Variants in WNK1 observed in about 807,000 individuals in gnomAD.
WNK1 encodes the protein WNK lysine deficient protein kinase 1.
Under a neutral mutation model 222.8 loss-of-function variants are expected in WNK1, and 38 were observed. That is an observed-to-expected ratio of 0.17 (90% CI 0.13 to 0.22). The LOEUF (loss-of-function observed/expected upper bound fraction) is 0.22. Among genes scored for constraint, WNK1 ranks in the 10% least tolerant of loss-of-function variants. The pLI is 1.00. For missense variants in WNK1, 2,348 were observed against 2,918.4 expected, an observed-to-expected ratio of 0.80 and a Z score of 4.50; for synonymous variants, 1,090 against 1,092.9, an observed-to-expected ratio of 1.00 and a Z score of 0.05.
intron 17 of WNK1, 145 bp downstream of exon 17, chr12:883,976 T>C: frequency 6.8e-7 from 1 of 1,474,436 alleles, no homozygotes. Flanking sequence ...TGCAGTGAGC[T>C]GAGATCGCGC....
intron 9 of WNK1, among the ~76,000 whole-genome samples, chr12:875,320 C>T (rs549207948): frequency 7.4e-4 from 112 of 152,250 alleles, no homozygotes; most frequent in South Asian, 2.9e-3. Context: ...AGACCTTTAT[C>T]GTACTCTCAT....
At chr12:836,637 C>T (rs879565339) in intron 4 of WNK1, among the ~76,000 whole-genome samples, 4 of 152,038 alleles carry the variant, frequency 2.6e-5, no homozygotes, top group Non-Finnish European at 5.9e-5. Context: ...TCCAACTTTT[C>T]AATAAAAAAG....
rs776831969 is a variant in WNK1 at position 868,270 on chromosome 12, A to G, written c.2140-2995A>G. The G allele has an allele frequency of 2.5e-6, 4 of 1,602,458 alleles. No homozygotes were observed. In the South Asian group the frequency reaches 4.5e-5, roughly 18 times the overall value. Reference sequence around the variant, plus strand: ...AAGCTCACTATTTTATTCCTCAGGAAGCAGTGTATGTAGCTGGGGTACATT... The same window carrying G: ...AAGCTCACTATTTTATTCCTCAGGAGGCAGTGTATGTAGCTGGGGTACATT... On this transcript the variant is annotated intron_variant, in intron 8 of 27. Coordinates refer to ENST00000315939, the MANE Select transcript of WNK1 (RefSeq NM_018979.4).
At chr12:785,493 C>CGGG (rs1944208089) in intron 1 of WNK1, among the ~76,000 whole-genome samples, 1 of 151,380 alleles carries the variant, frequency 6.6e-6, no homozygotes, top group South Asian at 2.1e-4. Context: ...CTCCACCTCC[C>CGGG]AGGTTCAAGC....
chr12:827,436 G>C lies in WNK1; in HGVS notation c.1153+174G>C, dbSNP rs942416418. ...AGGATTCTCTATATTTGTGCTTCTT[G>C]GAATCATCTTAGAGACTATTGGTAA... On this transcript the variant is annotated intron_variant, in intron 3 of 27. Transcript: ENST00000315939. This position sits in a 1 kb window ranked among gnomAD's most constrained non-coding sequence, Gnocchi z 4.6. The C allele has an allele frequency of 1.1e-5, 7 of 632,454 alleles. No individual in the cohort carries two copies. Among genetic ancestry groups the C allele is most frequent in the African/African-American group, 1.1e-4 (6 of 54,434 alleles). The allele number at this position is 632,454 out of a possible 1,614,324, so 39.2% of individuals were successfully genotyped here.
At chr12:845,175 G>A (rs527959846) in intron 4 of WNK1, among the ~76,000 whole-genome samples, 4 of 152,236 alleles carry the variant, frequency 2.6e-5, no homozygotes, top group South Asian at 2.1e-4. Flanking sequence ...GATTACAGGC[G>A]TGAGCCACCG....
intron 22 of WNK1, among the ~76,000 whole-genome samples, chr12:891,293 C>CAAAAAT (rs1954203972): frequency 6.6e-6 from 1 of 152,172 alleles, no homozygotes; most frequent in African/African-American, 2.4e-5. Flanking sequence ...CATGCACCAC[C>CAAAAAT]ACACCTGGAT....
rs1328294867 is a variant in WNK1 at position 757,727 on chromosome 12, C to CG, written c.759+3403_759+3404insG. 1.2e-4 allele frequency among the ~76,000 whole-genome samples: 15 copies of CG among 124,226 alleles called. 2 individuals carry two copies. The highest frequency in any genetic ancestry group is 2.7e-4 in the South Asian group (1 of 3,678). 81.5% of individuals were successfully genotyped at this position (124,226 alleles called of 152,430 possible). On this transcript the variant is annotated intron_variant, in intron 1 of 27. Transcript: ENST00000315939. ...GGATCTGGTTTTTCAAAAAAGATAG[C>CG]ATAATTTCCTTTAAGAAAACATTGA...
Position 908,861 on chromosome 12 carries a change from G to GGGGGGGGGGGTC in WNK1, c.*69_*70insGGGGGGGGGGTC. The stretch of plus-strand genomic sequence containing the variant: ...ATGCTGAGGGGGTGGGTGGGGGTGG[G>GGGGGGGGGGGTC]AAGTAGCCTATATACTAACTACTAG... On this transcript the variant is annotated 3_prime_UTR_variant, in exon 28 of 28. Coordinates refer to ENST00000315939, the MANE Select transcript of WNK1 (RefSeq NM_018979.4). 2.0e-6 allele frequency: 1 copy of GGGGGGGGGGGTC among 491,846 alleles called. No individual in the cohort carries two copies. 30.5% of individuals were successfully genotyped at this position (491,846 alleles called of 1,614,324 possible).
chr12:864,707 A>T (rs1395732996), intron 8 of WNK1, among the ~76,000 whole-genome samples: 1 of 152,198 alleles, frequency 6.6e-6, no homozygotes, highest in Non-Finnish European at 1.5e-5. Context: ...AATGTACTTT[A>T]AACTAATAGA....
At chr12:813,343 A>ACATTTCCTGACATTTCC (rs1947072872) in intron 1 of WNK1, among the ~76,000 whole-genome samples, 1 of 152,238 alleles carries the variant, frequency 6.6e-6, no homozygotes, top group South Asian at 2.1e-4. Flanking sequence ...TCCAAAGCCT[A>ACATTTCCTGACATTTCC]TGTTCATTTC....
chr12:820,460 T>C (rs1340211791), intron 2 of WNK1, among the ~76,000 whole-genome samples: 1 of 140,636 alleles, frequency 7.1e-6, no homozygotes, highest in East Asian at 2.1e-4. Context: ...GTGTTCATTC[T>C]TTGGGGTTTT....
chr12:763,169 C>CT (rs1370456488), intron 1 of WNK1, among the ~76,000 whole-genome samples: 1 of 147,516 alleles, frequency 6.8e-6, no homozygotes, highest in Non-Finnish European at 1.5e-5. Flanking sequence ...ACCCATTAGA[C>CT]TAAGTGACTA....
intron 1 of WNK1, among the ~76,000 whole-genome samples, chr12:812,798 TACTC>T: frequency 6.6e-6 from 1 of 152,238 alleles, no homozygotes; most frequent in East Asian, 1.9e-4. Flanking sequence ...GTTATACACA[TACTC>T]ACACACATTT....
At chr12:800,455 ATTAT>A (rs1312727134) in intron 1 of WNK1, among the ~76,000 whole-genome samples, 1 of 152,124 alleles carries the variant, frequency 6.6e-6, no homozygotes, top group Non-Finnish European at 1.5e-5. Context: ...GCCTGCTATA[ATTAT>A]TTTTTATTTT....
chr12:815,323 TGTTAAA>T (rs1258117050), intron 2 of WNK1, among the ~76,000 whole-genome samples: 12 of 152,362 alleles, frequency 7.9e-5, no homozygotes, highest in African/African-American at 2.6e-4. Flanking sequence ...CTTTATTAAT[TGTTAAA>T]GTTAATACTG....
chr12:830,666 G>A (rs1284439541), intron 4 of WNK1, among the ~76,000 whole-genome samples: 1 of 152,108 alleles, frequency 6.6e-6, no homozygotes, highest in Non-Finnish European at 1.5e-5. Context: ...TCTGCTGACA[G>A]AGATATTTTC....
intron 9 of WNK1, among the ~76,000 whole-genome samples, chr12:872,517 C>T (rs575913848): frequency 6.6e-6 from 1 of 152,224 alleles, no homozygotes; most frequent in South Asian, 2.1e-4. Context: ...CCTGATACAT[C>T]CAACAGTAAA....
At chr12:904,479 T>G (rs756680200) in intron 26 of WNK1, 1 of 1,289,198 alleles carries the variant, frequency 7.8e-7, no homozygotes, top group South Asian at 1.2e-5. Flanking sequence ...AGTCTGTCCT[T>G]GCAACCAGCT....
Sources: gnomAD v4.1 joint callset for allele counts (sites outside exome capture counted in the v4.1 genomes callset) on GRCh38, gnomAD v4.1.1 for gene constraint, Gnocchi (gnomAD v3.1) non-coding constraint, MANE v1.5 for transcripts, NCBI Gene and HGNC (gene_info 2026-07-23, HGNC 2026-07-21) for gene names.